The following ALDH1A2 variants were observed in gnomAD, a reference collection of about 807,000 sequenced individuals.
The protein encoded by ALDH1A2 is retinal dehydrogenase 2.
A neutral mutation model predicts 60.3 loss-of-function variants in ALDH1A2; 27 were observed. That is an observed-to-expected ratio of 0.45 (90% CI 0.33 to 0.62). ALDH1A2 has a LOEUF of 0.62. Ranked by LOEUF, ALDH1A2 falls within the 20% of genes least tolerant of loss-of-function variation. The probability of loss-of-function intolerance (pLI) is 0.02; values close to 1 mark genes in which losing one functional copy is unlikely to be tolerated. For missense variants in ALDH1A2, 581 were observed against 643.8 expected (o/e 0.90, Z 1.06); for synonymous variants, 289 against 232.4 (o/e 1.24, Z -2.21).
intron 1 of ALDH1A2, 28 bp from the exon 2 acceptor site, chr15:58,014,309 C>G: frequency 1.3e-6 from 2 of 1,569,798 alleles, no homozygotes; most frequent in Admixed American, 1.7e-5. Context: ...AGAATGGGAT[C>G]TGTGACACAG....
intron 4 of ALDH1A2, among the ~76,000 whole-genome samples, chr15:58,008,900 C>G (rs1012556255): frequency 9.9e-5 from 15 of 152,040 alleles, no homozygotes; most frequent in Admixed American, 5.2e-4. Flanking sequence ...ATCCCCACAT[C>G]TTGCAAGTGA....
intron 7 of ALDH1A2, among the ~76,000 whole-genome samples, chr15:57,973,120 T>G (rs1187783643): frequency 1.3e-5 from 2 of 152,258 alleles, no homozygotes; most frequent in African/African-American, 4.8e-5. Context: ...TCCACTATCT[T>G]GCTGCTAATG....
chr15:57,980,176 G>T lies in ALDH1A2; in HGVS notation c.798+12529C>A, dbSNP rs573707061. On this transcript the variant is annotated intron_variant, in intron 7 of 12. Transcript: ENST00000249750. ...TGACGCACTGGCCAGCCTTCATGGC[G>T]GCGTCACTGAAGTTCTGCTCCTGCT... 1.4e-5 allele frequency: 4 copies of T among 282,394 alleles called. No individual in the cohort carries two copies. In the East Asian group the frequency reaches 4.3e-4, roughly 31 times the overall value. The allele number at this position is 282,394 out of a possible 1,614,324, so 17.5% of individuals were successfully genotyped here.
At chr15:58,049,295 A>G (rs1482904255) in intron 1 of ALDH1A2, among the ~76,000 whole-genome samples, 1 of 152,062 alleles carries the variant, frequency 6.6e-6, no homozygotes, top group African/African-American at 2.4e-5. Context: ...TCCTACGTGT[A>G]CAAAGATTGC....
At chr15:58,051,321 T>C (rs1426703539) in intron 1 of ALDH1A2, among the ~76,000 whole-genome samples, 1 of 152,120 alleles carries the variant, frequency 6.6e-6, no homozygotes, top group Non-Finnish European at 1.5e-5. Context: ...ATCTAACATT[T>C]TGAGAAATTT....
intron 12 of ALDH1A2, among the ~76,000 whole-genome samples, chr15:57,959,752 G>A (rs1380861799): frequency 1.3e-5 from 2 of 152,104 alleles, no homozygotes; most frequent in African/African-American, 2.4e-5. Flanking sequence ...ATTCAAATCC[G>A]AGCAGTGTGA....
At chr15:58,061,137 T>C (rs4646563) in intron 1 of ALDH1A2, among the ~76,000 whole-genome samples, 54,105 of 151,926 alleles carry the variant, frequency 0.36, 10,620 homozygotes, top group Non-Finnish European at 0.46. Context: ...CATGGTAACA[T>C]AGGCCCATGT....
intron 2 of ALDH1A2, 49 bp from the exon 3 acceptor site, chr15:58,014,047 G>A (rs1193888574): frequency 1.2e-6 from 2 of 1,613,984 alleles, no homozygotes; most frequent in East Asian, 4.5e-5. Context: ...CCAAATAAAG[G>A]AAGAACCATC....
intron 1 of ALDH1A2, among the ~76,000 whole-genome samples, chr15:58,044,023 A>T (rs1896580398): frequency 6.6e-6 from 1 of 151,610 alleles, no homozygotes; most frequent in South Asian, 2.1e-4. Flanking sequence ...TAAAGAACGA[A>T]CCCCCCATAT....
intron 1 of ALDH1A2, among the ~76,000 whole-genome samples, chr15:58,058,909 GC>G (rs1422027601): frequency 1.3e-5 from 2 of 152,110 alleles, no homozygotes; most frequent in East Asian, 3.8e-4. Flanking sequence ...CCCACGTTTA[GC>G]CCCAGGGAAG....
intron 7 of ALDH1A2, among the ~76,000 whole-genome samples, chr15:57,983,610 C>G (rs1566937524): frequency 6.6e-6 from 1 of 152,192 alleles, no homozygotes; most frequent in Admixed American, 6.5e-5. Flanking sequence ...GATACAGATA[C>G]ATTTGAAAAT....
chr15:58,014,173 A>G lies in ALDH1A2; in HGVS notation c.222+4T>C. ...AGGAAATCTTTTATCTACAAAAGAC[A>G]TACCTTGTCTGCTTCTTGAACTTCA... On this transcript the variant is annotated splice_donor_region_variant and intron_variant, in intron 2 of 12. Transcript: ENST00000249750. 6.2e-7 allele frequency: 1 copy of G among 1,614,100 alleles called. No individual in the cohort carries two copies. The highest frequency in any genetic ancestry group is 1.1e-5 in the South Asian group (1 of 91,090).
chr15:58,015,099 C>G (rs1344860544), intron 1 of ALDH1A2, among the ~76,000 whole-genome samples: 3 of 152,142 alleles, frequency 2.0e-5, no homozygotes, highest in African/African-American at 7.2e-5. Context: ...GAAACCTAAA[C>G]TAATATTTTT....
At chr15:58,006,725 G>C (rs1895471533) in intron 4 of ALDH1A2, among the ~76,000 whole-genome samples, 2 of 130,220 alleles carry the variant, frequency 1.5e-5, no homozygotes, top group African/African-American at 5.6e-5. Flanking sequence ...TTTTGCAGTA[G>C]TGAGGTGGTT....
chr15:58,060,463 C>CTTTTTTTTTT (rs35187901), intron 1 of ALDH1A2, among the ~76,000 whole-genome samples: 73 of 87,496 alleles, frequency 8.3e-4, no homozygotes, highest in South Asian at 1.3e-3. Context: ...CCACACATAT[C>CTTTTTTTTTT]TTTTTTTTTT....
Position 57,954,756 on chromosome 15 carries a change from G to T in ALDH1A2, c.*441C>A, listed in dbSNP as rs542709202. 1.7e-3 allele frequency: 341 copies of T among 204,808 alleles called. 1 individual carries two copies. Among genetic ancestry groups the T allele is most frequent in the African/African-American group, 7.4e-3 (327 of 44,304 alleles). The allele number at this position is 204,808 out of a possible 1,614,324, so 12.7% of individuals were successfully genotyped here. On this transcript the variant is annotated 3_prime_UTR_variant, in exon 13 of 13. Transcript: ENST00000249750. ...GGCCCAAACATCTGCCCCAGAATGA[G>T]CTCAGCTGACATCTCCTTGGAAGAG...
At chr15:57,992,581 T>C in intron 7 of ALDH1A2, 124 bp downstream of exon 7, 2 of 864,762 alleles carry the variant, frequency 2.3e-6, no homozygotes, top group Non-Finnish European at 3.8e-6. Context: ...ATGTTATCCT[T>C]TGTGGGCTTG....
At chr15:58,063,243 C>T (rs2140592979) in intron 1 of ALDH1A2, among the ~76,000 whole-genome samples, 1 of 152,302 alleles carries the variant, frequency 6.6e-6, no homozygotes, top group Middle Eastern at 3.4e-3. Context: ...AAAACAATAA[C>T]ATATTGTCTT....
intron 6 of ALDH1A2, 34 bp downstream of exon 6, chr15:57,992,911 A>C: frequency 6.2e-7 from 1 of 1,614,066 alleles, no homozygotes. Flanking sequence ...CTGTAAGGGG[A>C]GTCAGAAGCA....
Sources: allele counts gnomAD v4.1 joint callset (sites outside exome capture counted in the v4.1 genomes callset), GRCh38; gene constraint gnomAD v4.1.1; transcripts MANE v1.5; gene names NCBI Gene and HGNC (gene_info 2026-07-23, HGNC 2026-07-21).